The following DIP2B variants were observed in gnomAD, a reference collection of about 807,000 sequenced individuals.
DIP2B encodes disco-interacting protein 2 homolog B.
Under a neutral mutation model 198.0 loss-of-function variants are expected in DIP2B, and 76 were observed. The observed-to-expected ratio is 0.38, with a 90% CI of 0.32 to 0.46. The LOEUF is 0.46. DIP2B is among the 20% of genes least tolerant of loss of function. The pLI is 0.99. For synonymous variants in DIP2B, 701 were observed against 739.1 expected (o/e 0.95, Z 0.84); for missense variants, 1,559 against 1,978.4 (o/e 0.79, Z 4.02).
chr12:50,505,132 G>A lies in DIP2B; in HGVS notation c.-9G>A. ...TCTTGTCTTCCGGAGTGTGGCTGGC[G>A]GAGCTGGGATGGCGGAACGAGGCCT... On this transcript the variant is annotated 5_prime_UTR_variant, in exon 1 of 38. Transcript: ENST00000301180. 6.5e-7 allele frequency: 1 copy of A among 1,530,364 alleles called. No homozygotes were observed. The highest frequency in any genetic ancestry group is 8.7e-7 in the Non-Finnish European group (1 of 1,143,462). The allele number at this position is 1,530,364 out of a possible 1,614,324, so 94.8% of individuals were successfully genotyped here.
intron 7 of DIP2B, among the ~76,000 whole-genome samples, chr12:50,675,829 C>A (rs1038719812): frequency 1.9e-4 from 29 of 152,188 alleles, no homozygotes; most frequent in Non-Finnish European, 4.1e-4. Context: ...ATAATGTAAT[C>A]CTTTTATGAA....
At chr12:50,686,706 G>T (rs1248308790) in intron 12 of DIP2B, 24 bp downstream of exon 12, 1 of 1,597,294 alleles carries the variant, frequency 6.3e-7, no homozygotes, top group Admixed American at 1.7e-5. Flanking sequence ...TGTAAAATAT[G>T]CTTTCAGGCT....
chr12:50,604,281 T>G (rs746334222), intron 1 of DIP2B, among the ~76,000 whole-genome samples: 74 of 152,148 alleles, frequency 4.9e-4, no homozygotes, highest in Non-Finnish European at 9.7e-4. Flanking sequence ...AGGAAATTTG[T>G]TGGCAGCATG....
intron 1 of DIP2B, among the ~76,000 whole-genome samples, chr12:50,582,120 T>G (rs189032411): frequency 1.3e-5 from 2 of 149,890 alleles, no homozygotes; most frequent in East Asian, 4.0e-4. Context: ...TTTGGAAGGA[T>G]AATAGCTTCT....
At chr12:50,518,281 A>G (rs1958083894) in intron 1 of DIP2B, among the ~76,000 whole-genome samples, 1 of 150,088 alleles carries the variant, frequency 6.7e-6, no homozygotes, top group Non-Finnish European at 1.5e-5. Flanking sequence ...CTGGAGTGCA[A>G]TAGTGCGACC....
intron 1 of DIP2B, among the ~76,000 whole-genome samples, chr12:50,519,485 A>G (rs1448620597): frequency 6.6e-6 from 1 of 152,078 alleles, no homozygotes; most frequent in Non-Finnish European, 1.5e-5. Context: ...TTTTGTTGTG[A>G]AGTTACTTTT....
chr12:50,576,744 G>A (rs943775441), intron 1 of DIP2B, among the ~76,000 whole-genome samples: 2 of 135,066 alleles, frequency 1.5e-5, no homozygotes, highest in Non-Finnish European at 3.3e-5. Context: ...GCCTCTCAAA[G>A]TGCTGGGATT....
intron 1 of DIP2B, among the ~76,000 whole-genome samples, chr12:50,540,274 A>AT (rs1386868974): frequency 2.2e-4 from 32 of 145,552 alleles, no homozygotes; most frequent in Admixed American, 1.9e-3. Flanking sequence ...CACCAGGCTG[A>AT]TTTTTTTTGT....
rs765215698 is a variant in DIP2B, at chr12:50,706,526, A to G, written c.2407-12A>G. 24 of 1,613,238 alleles carry G rather than the reference A, an allele frequency of 1.5e-5. No homozygotes were observed. Among genetic ancestry groups the G allele is most frequent in the Admixed American group, 5.0e-5 (3 of 59,956 alleles). ...ATCATGGAAATCAAGGTAAATCATC[A>G]TTACCTTTCAGGGTAGTTTGGTGTT... On this transcript the variant is annotated splice_polypyrimidine_tract_variant and intron_variant, in intron 20 of 37. Coordinates refer to ENST00000301180, the MANE Select transcript of DIP2B (RefSeq NM_173602.3).
chr12:50,732,623 G>T, intron 32 of DIP2B, 87 bp downstream of exon 32: 1 of 1,531,658 alleles, frequency 6.5e-7, no homozygotes. Context: ...AGGCTGCCTG[G>T]GCTTGGGCCC....
intron 1 of DIP2B, 28 bp from the exon 2 acceptor site, chr12:50,625,948 A>T: frequency 1.2e-6 from 2 of 1,607,894 alleles, no homozygotes; most frequent in Non-Finnish European, 1.7e-6. Flanking sequence ...AATAATGCAT[A>T]ACCTATTTCT....
intron 30 of DIP2B, among the ~76,000 whole-genome samples, chr12:50,730,782 G>A (rs1327016012): frequency 1.3e-5 from 2 of 151,964 alleles, no homozygotes; most frequent in Non-Finnish European, 2.9e-5. Flanking sequence ...CCTCACTACC[G>A]TCCCCACTTC....
chr12:50,691,858 G>T (rs951877565), intron 13 of DIP2B, among the ~76,000 whole-genome samples: 6 of 152,156 alleles, frequency 3.9e-5, no homozygotes, highest in African/African-American at 4.8e-5. Flanking sequence ...GAGGTCAAGG[G>T]TTCGAGACCA....
At chr12:50,610,293 A>G (rs967486599) in intron 1 of DIP2B, among the ~76,000 whole-genome samples, 2 of 152,048 alleles carry the variant, frequency 1.3e-5, no homozygotes, top group Non-Finnish European at 2.9e-5. Flanking sequence ...TTTTTTTGTT[A>G]CTAGGAGTAG....
At chr12:50,685,190 A>T (rs1268712526) in intron 10 of DIP2B, among the ~76,000 whole-genome samples, 1 of 152,214 alleles carries the variant, frequency 6.6e-6, no homozygotes, top group African/African-American at 2.4e-5. Flanking sequence ...CCTTCATTTG[A>T]TCAGGAAATC....
At chr12:50,596,700 AC>A (rs1165336781) in intron 1 of DIP2B, among the ~76,000 whole-genome samples, 1 of 152,190 alleles carries the variant, frequency 6.6e-6, no homozygotes, top group Non-Finnish European at 1.5e-5. Flanking sequence ...CCCCACCTCT[AC>A]CAAAAATTCA....
chr12:50,555,540 A>G (rs531083242), intron 1 of DIP2B, among the ~76,000 whole-genome samples: 6 of 152,278 alleles, frequency 3.9e-5, no homozygotes, highest in Non-Finnish European at 5.9e-5. Flanking sequence ...GAAAGAACAG[A>G]GGCTGTGCAC....
chr12:50,733,557 A>G (rs1940085845), intron 32 of DIP2B, among the ~76,000 whole-genome samples: 1 of 152,124 alleles, frequency 6.6e-6, no homozygotes, highest in Non-Finnish European at 1.5e-5. Flanking sequence ...CAAAAAATAT[A>G]GATGGGCTTA....
intron 10 of DIP2B, among the ~76,000 whole-genome samples, chr12:50,685,044 A>T (rs1256629401): frequency 6.6e-6 from 1 of 152,226 alleles, no homozygotes; most frequent in African/African-American, 2.4e-5. Context: ...GTGAGCCGAG[A>T]TCATGCCACT....
Sources: gnomAD v4.1 joint callset for allele counts (sites outside exome capture counted in the v4.1 genomes callset) on GRCh38, gnomAD v4.1.1 for gene constraint, MANE v1.5 for transcripts, NCBI Gene and HGNC (gene_info 2026-07-23, HGNC 2026-07-21) for gene names.